ENTREP1: variants seen among roughly 807,000 people sequenced by gnomAD.
The protein encoded by ENTREP1 is Friedreich ataxia region gene X123.
the ENTREP1 span, among the ~76,000 whole-genome samples, chr9:69,349,779 A>G: frequency 1.3e-5 from 2 of 152,214 alleles, no homozygotes; most frequent in African/African-American, 4.8e-5. Flanking sequence ...GAACATGTAC[A>G]TTAGCCAACA....
the ENTREP1 span, chr9:69,386,290 TA>T: frequency 5.9e-6 from 1 of 168,828 alleles, no homozygotes; most frequent in Non-Finnish European, 1.3e-5. Flanking sequence ...TGCATTGTCT[TA>T]AAAAAAGTCA....
At chr9:69,351,091 G>T in the ENTREP1 span, among the ~76,000 whole-genome samples, 1 of 152,170 alleles carries the variant, frequency 6.6e-6, no homozygotes, top group Non-Finnish European at 1.5e-5. Context: ...CCAAAGCCAT[G>T]AACTGTAACT....
the ENTREP1 span, among the ~76,000 whole-genome samples, chr9:69,368,168 A>G: frequency 6.6e-6 from 1 of 151,846 alleles, no homozygotes. Context: ...CCTCTTCACT[A>G]ATTTGGATGC....
chr9:69,388,275 T>C, the ENTREP1 span: 3 of 1,614,174 alleles, frequency 1.9e-6, no homozygotes, highest in Admixed American at 3.3e-5. Flanking sequence ...CCGCGGTCTT[T>C]GATAGATTAC....
the ENTREP1 span, among the ~76,000 whole-genome samples, chr9:69,328,858 A>G: frequency 2.0e-5 from 3 of 152,206 alleles, no homozygotes; most frequent in African/African-American, 7.2e-5. Flanking sequence ...AGTTTTGAGT[A>G]GTTACTCCTC....
At chr9:69,333,915 A>T in the ENTREP1 span, among the ~76,000 whole-genome samples, 7 of 152,306 alleles carry the variant, frequency 4.6e-5, no homozygotes, top group South Asian at 1.4e-3. Context: ...ACACACATAC[A>T]TGCACAAGCA....
At chr9:69,356,041 G>A in the ENTREP1 span, among the ~76,000 whole-genome samples, 1,425 of 152,226 alleles carry the variant, frequency 9.4e-3, 12 homozygotes, top group Middle Eastern at 0.017. Context: ...GGCATTAAGC[G>A]TGTTCACAGT....
At chr9:69,345,177 G>A in the ENTREP1 span, among the ~76,000 whole-genome samples, 1 of 152,258 alleles carries the variant, frequency 6.6e-6, no homozygotes, top group Non-Finnish European at 1.5e-5. Flanking sequence ...AGGAGGCTGG[G>A]TCGGGGTGTC....
the ENTREP1 span, chr9:69,325,182 C>G: frequency 9.7e-7 from 1 of 1,031,888 alleles, no homozygotes; most frequent in South Asian, 4.6e-5. Context: ...TGCGCATTTC[C>G]TTCCCTCCCC....
chr9:69,354,254 A>ATTTTTTTTTTTTTTTTTTTTTTTTTTTTT, the ENTREP1 span, among the ~76,000 whole-genome samples: 1 of 105,648 alleles, frequency 9.5e-6, no homozygotes, highest in Non-Finnish European at 1.8e-5. Context: ...CTATTGCAAC[A>ATTTTTTTTTTTTTTTTTTTTTTTTTTTTT]TTTTTTTTTT....
chr9:69,325,074 C>A, the ENTREP1 span: 1 of 985,354 alleles, frequency 1.0e-6, no homozygotes, highest in Non-Finnish European at 1.2e-6. Flanking sequence ...AGTGAGGGTG[C>A]GCCCAGGGCC....
chr9:69,387,929 G>A, the ENTREP1 span: 22 of 1,484,322 alleles, frequency 1.5e-5, no homozygotes, highest in African/African-American at 2.6e-4. Flanking sequence ...GGGTGGTGTC[G>A]TACATGACAC....
chr9:69,336,959 A>C, the ENTREP1 span, among the ~76,000 whole-genome samples: 1 of 144,296 alleles, frequency 6.9e-6, no homozygotes, highest in African/African-American at 2.6e-5. Context: ...TGGCCTCCCA[A>C]AGTGCTGAGA....
chr9:69,332,764 G>T, the ENTREP1 span, among the ~76,000 whole-genome samples: 1 of 152,106 alleles, frequency 6.6e-6, no homozygotes, highest in Non-Finnish European at 1.5e-5. Flanking sequence ...AAAATAAAAA[G>T]AATAGAAATA....
chr9:69,324,827 G>A, the ENTREP1 span: 3 of 984,996 alleles, frequency 3.0e-6, no homozygotes, highest in African/African-American at 3.5e-5. Flanking sequence ...GACAGAGAAG[G>A]CTCCTCGCTC....
chr9:69,385,763 CTTTTTTTTTTTT>C, the ENTREP1 span: 26 of 1,243,848 alleles, frequency 2.1e-5, no homozygotes, highest in South Asian at 1.1e-4. Context: ...TGTTTCGCCT[CTTTTTTTTTTTT>C]TTTTTTTTTT....
At chr9:69,356,212 A>G in the ENTREP1 span, among the ~76,000 whole-genome samples, 85 of 152,332 alleles carry the variant, frequency 5.6e-4, no homozygotes, top group African/African-American at 2.0e-3. Flanking sequence ...GGTATCGCAT[A>G]TAAGTAAGTG....
the ENTREP1 span, among the ~76,000 whole-genome samples, chr9:69,354,247 T>G: frequency 7.4e-6 from 1 of 135,954 alleles, no homozygotes; most frequent in Non-Finnish European, 1.5e-5. Context: ...GTTTGCCCTA[T>G]TGCAACATTT....
chr9:69,330,176 C>T, the ENTREP1 span, among the ~76,000 whole-genome samples: 368 of 152,008 alleles, frequency 2.4e-3, 2 homozygotes, highest in African/African-American at 7.4e-3. Flanking sequence ...CTAGGTTCCA[C>T]TGGGGTTAAG....
Sources: allele counts gnomAD v4.1 joint callset (sites outside exome capture counted in the v4.1 genomes callset), GRCh38; gene constraint gnomAD v4.1.1; transcripts MANE v1.5; gene names NCBI Gene and HGNC (gene_info 2026-07-23, HGNC 2026-07-21).